CFAP43: variants seen among roughly 807,000 people sequenced by gnomAD.
CFAP43 encodes cilia and flagella associated protein 43.
A neutral mutation model predicts 218.9 loss-of-function variants in CFAP43; 155 were observed. The observed-to-expected ratio is 0.71, with a 90% CI of 0.62 to 0.81. The LOEUF is 0.81. Ranked by LOEUF, CFAP43 falls within the 30% of genes least tolerant of loss-of-function variation. The pLI, the probability that CFAP43 is intolerant of heterozygous loss-of-function variation, is 0.00. For synonymous variants in CFAP43, 645 were observed against 681.3 expected, an observed-to-expected ratio of 0.95 and a Z score of 0.83; for missense variants, 1,778 against 1,954.3, an observed-to-expected ratio of 0.91 and a Z score of 1.70.
At chr10:104,134,494 AGACT>A (rs774526718) in intron 34 of CFAP43, among the ~76,000 whole-genome samples, 10 of 152,194 alleles carry the variant, frequency 6.6e-5, no homozygotes, top group African/African-American at 1.2e-4. Flanking sequence ...ACCTTTAGCT[AGACT>A]GACTAAGAAA....
chr10:104,172,343 C>T (rs2089445619), intron 20 of CFAP43, 67 bp downstream of exon 20: 2 of 1,555,156 alleles, frequency 1.3e-6, no homozygotes, highest in Non-Finnish European at 1.7e-6. Context: ...GAAAAAGTTC[C>T]CATTCCTATT....
intron 3 of CFAP43, among the ~76,000 whole-genome samples, chr10:104,220,949 C>CGTGTGTGTGTGT (rs68093596): frequency 8.4e-5 from 12 of 143,696 alleles, no homozygotes; most frequent in Admixed American, 2.1e-4. Context: ...TATGAGTGAG[C>CGTGTGTGTGTGT]GTGTGTGTGT....
chr10:104,211,260 A>T (rs1317739904), intron 5 of CFAP43, among the ~76,000 whole-genome samples: 1 of 152,128 alleles, frequency 6.6e-6, no homozygotes, highest in East Asian at 1.9e-4. Context: ...ACAAAAGAAC[A>T]ATACTCTTTA....
At chr10:104,149,005 A>AAAAT (rs1235044436) in intron 28 of CFAP43, among the ~76,000 whole-genome samples, 2 of 152,220 alleles carry the variant, frequency 1.3e-5, no homozygotes, top group Non-Finnish European at 2.9e-5. Context: ...GGTTAAAAAT[A>AAAAT]AAATAAATCT....
At chr10:104,178,541 C>T (rs2089712179) in intron 19 of CFAP43, among the ~76,000 whole-genome samples, 1 of 152,094 alleles carries the variant, frequency 6.6e-6, no homozygotes, top group Non-Finnish European at 1.5e-5. Context: ...AGCATAACTA[C>T]TCATGTTCCA....
Position 104,214,491 on chromosome 10 carries a change from T to C in CFAP43, c.417-65A>G, listed in dbSNP as rs1239382384. On this transcript the variant is annotated intron_variant, in intron 3 of 37. Coordinates refer to ENST00000357060, the MANE Select transcript of CFAP43 (RefSeq NM_025145.7). Reference sequence around the variant, plus strand: ...GAATTTCATGTATTTAGAACATTTATCTATTTTTTAATTTACATAAATTGG... The same window carrying C: ...GAATTTCATGTATTTAGAACATTTACCTATTTTTTAATTTACATAAATTGG... The C allele has an allele frequency of 5.3e-6, 7 of 1,328,000 alleles. No individual in the cohort carries two copies. The African/African-American group carries it at 9.0e-5, about 17-fold the overall frequency. 82.3% of individuals were successfully genotyped at this position (1,328,000 alleles called of 1,614,324 possible).
intron 10 of CFAP43, among the ~76,000 whole-genome samples, chr10:104,195,835 C>T (rs944830384): frequency 1.3e-5 from 2 of 152,194 alleles, no homozygotes; most frequent in South Asian, 2.1e-4. Context: ...AGCATCCATA[C>T]GCCCTCCTGG....
intron 2 of CFAP43, among the ~76,000 whole-genome samples, chr10:104,229,311 G>A (rs2091384269): frequency 6.6e-6 from 1 of 152,130 alleles, no homozygotes; most frequent in Non-Finnish European, 1.5e-5. Context: ...ATTAGCTGGT[G>A]GCTCCAGCAG....
chr10:104,230,948 T>G, intron 1 of CFAP43, 105 bp from the exon 2 acceptor site: 1 of 1,249,954 alleles, frequency 8.0e-7, no homozygotes, highest in Non-Finnish European at 1.1e-6. Flanking sequence ...TCTATTTTCA[T>G]GTCCTTTCTG....
At chr10:104,146,000 A>G (rs1186012541) in intron 30 of CFAP43, among the ~76,000 whole-genome samples, 2 of 152,192 alleles carry the variant, frequency 1.3e-5, no homozygotes, top group South Asian at 2.1e-4. Context: ...TCTGCAACCT[A>G]AAGTTTGAAA....
chr10:104,190,368 G>C (rs773890484), intron 12 of CFAP43, among the ~76,000 whole-genome samples: 3 of 152,044 alleles, frequency 2.0e-5, no homozygotes. Flanking sequence ...ATTTAGGCAG[G>C]ATATACATCC....
chr10:104,212,796 C>G (rs2090904144), intron 4 of CFAP43, among the ~76,000 whole-genome samples: 1 of 152,094 alleles, frequency 6.6e-6, no homozygotes, highest in African/African-American at 2.4e-5. Flanking sequence ...TGGTTTCATG[C>G]ATTAAATTCA....
intron 10 of CFAP43, 41 bp downstream of exon 10, chr10:104,196,812 A>G (rs2090393540): frequency 6.7e-7 from 1 of 1,482,906 alleles, no homozygotes; most frequent in African/African-American, 1.4e-5. Flanking sequence ...TTGGATTAGA[A>G]TTCAGTATTT....
intron 27 of CFAP43, among the ~76,000 whole-genome samples, chr10:104,157,775 TGAGAGAGAGAGA>T (rs139314213): frequency 0.022 from 2,022 of 90,136 alleles, 44 homozygotes; most frequent in East Asian, 0.11. Flanking sequence ...TGTGTGTGTG[TGAGAGAGAGAGA>T]GAGAGAGAGA....
chr10:104,131,544 T>C (rs1168389306), intron 36 of CFAP43, 60 bp from the exon 37 acceptor site: 7 of 1,502,070 alleles, frequency 4.7e-6, no homozygotes, highest in Non-Finnish European at 4.5e-6. Context: ...TAATTTATCC[T>C]ATAAAGACAT....
intron 3 of CFAP43, among the ~76,000 whole-genome samples, chr10:104,216,183 T>A (rs1358336637): frequency 2.6e-5 from 4 of 152,218 alleles, no homozygotes; most frequent in African/African-American, 9.6e-5. Flanking sequence ...ACCTGCATCC[T>A]GTCACCACCA....
chr10:104,208,360 G>C (rs1204236392), intron 5 of CFAP43, among the ~76,000 whole-genome samples: 1 of 152,146 alleles, frequency 6.6e-6, no homozygotes, highest in Non-Finnish European at 1.5e-5. Flanking sequence ...CAGTGAATCT[G>C]TGTGTATAAA....
chr10:104,179,785 T>C, intron 18 of CFAP43, 55 bp downstream of exon 18: 1 of 1,307,354 alleles, frequency 7.6e-7, no homozygotes, highest in Non-Finnish European at 1.1e-6. Context: ...GAAACTAATC[T>C]ATTTGGTGCA....
rs1402363132 is a variant in CFAP43 at position 104,179,067 on chromosome 10, T to C, written c.2422A>G (p.Lys808Glu). Residue 808 changes from lysine to glutamate, a missense_variant, in exon 19 of 38, where the codon AAA becomes GAA. By Grantham distance (56) the Lys-to-Glu change is moderately conservative. Transcript: ENST00000357060. ...GATTTGATTCCTTGTTTTATCTCTT[T>C]CCTTTTCTTGGAAAACAGATTAACC... ...KEVNLFSKKRKEIKQGIKSLS... is the reference protein window; with the variant it reads ...KEVNLFSKKREEIKQGIKSLS... 1.9e-6 allele frequency: 3 copies of C among 1,613,470 alleles called. No homozygotes were observed. Among genetic ancestry groups the C allele is most frequent in the South Asian group, 2.2e-5 (2 of 91,022 alleles).
Sources: gnomAD v4.1 joint callset for allele counts (sites outside exome capture counted in the v4.1 genomes callset) on GRCh38, gnomAD v4.1.1 for gene constraint, MANE v1.5 for transcripts, NCBI Gene and HGNC (gene_info 2026-07-23, HGNC 2026-07-21) for gene names.